RELCH: variants seen among roughly 807,000 people sequenced by gnomAD.
RELCH encodes the protein RAB11 binding and LisH domain, coiled-coil and HEAT repeat containing, also known as RAB11-binding protein RELCH.
RELCH carries 41 observed loss-of-function variants against 150.3 expected under a neutral mutation model. The observed-to-expected ratio is 0.27, with a 90% confidence interval of 0.21 to 0.35. The LOEUF is 0.35. RELCH is among the 10% of genes least tolerant of loss of function. The pLI is 1.00. For missense variants in RELCH, 1,092 were observed against 1,467.8 expected (o/e 0.74, Z 4.18); for synonymous variants, 478 against 531.8 (o/e 0.90, Z 1.39).
In RELCH at chr18:62,188,041, C is replaced by T. The variant is rs1431169714; in HGVS notation, c.526+10C>T. The T allele has an allele frequency of 6.5e-7, 1 of 1,543,232 alleles. No individual in the cohort carries two copies. The highest frequency in any genetic ancestry group is 8.7e-7 in the Non-Finnish European group (1 of 1,144,896). On this transcript the variant is annotated intron_variant, in intron 1 of 28. Coordinates refer to ENST00000644646, the MANE Select transcript of RELCH (RefSeq NM_001346231.2). ...GGCGGGGGACAGCTCAGTAAGTGGA[C>T]GCAGCCTGTCACACTCCGGCAGGGT... is the stretch of plus-strand genomic sequence containing the variant.
chr18:62,241,393 C>A (rs2042141887), intron 10 of RELCH, among the ~76,000 whole-genome samples: 1 of 151,944 alleles, frequency 6.6e-6, no homozygotes. Flanking sequence ...CAAGCCTGGG[C>A]AATATAACAA....
At chr18:62,248,058 C>A (rs2042513508) in intron 11 of RELCH, among the ~76,000 whole-genome samples, 1 of 152,062 alleles carries the variant, frequency 6.6e-6, no homozygotes, top group South Asian at 2.1e-4. Context: ...CTGCCATTAC[C>A]TTTGTGCATG....
chr18:62,269,717 C>T (rs987738324), intron 20 of RELCH, among the ~76,000 whole-genome samples: 1 of 151,964 alleles, frequency 6.6e-6, no homozygotes, highest in Non-Finnish European at 1.5e-5. Context: ...AAGTACTTAA[C>T]AATAAGAAAA....
chr18:62,229,944 G>A (rs1344112315), intron 8 of RELCH, among the ~76,000 whole-genome samples: 1 of 152,054 alleles, frequency 6.6e-6, no homozygotes, highest in Non-Finnish European at 1.5e-5. Context: ...TAGAGGTTGG[G>A]ACATGATGGT....
chr18:62,257,477 T>C (rs17069657), intron 13 of RELCH, among the ~76,000 whole-genome samples: 10,329 of 152,120 alleles, frequency 0.068, 423 homozygotes, highest in Middle Eastern at 0.14. Context: ...AGAGAGATTT[T>C]TGTAGTTCCT....
chr18:62,304,646 G>C (rs2145180080), intron 28 of RELCH, among the ~76,000 whole-genome samples: 1 of 152,360 alleles, frequency 6.6e-6, no homozygotes, highest in South Asian at 2.1e-4. Flanking sequence ...CAATAAACTA[G>C]ATTCCAAGTC....
At chr18:62,240,802 A>G (rs1410103695) in intron 10 of RELCH, among the ~76,000 whole-genome samples, 4 of 151,976 alleles carry the variant, frequency 2.6e-5, no homozygotes, top group Non-Finnish European at 1.5e-5. Flanking sequence ...ATATTTTCCT[A>G]TTGCTTAAAA....
chr18:62,204,156 A>G (rs773543571), intron 1 of RELCH, among the ~76,000 whole-genome samples: 13 of 152,134 alleles, frequency 8.5e-5, no homozygotes, highest in Non-Finnish European at 1.8e-4. Context: ...TGATTTATCT[A>G]GTCTTCTATG....
chr18:62,231,520 GT>G (rs2041578971), intron 9 of RELCH, among the ~76,000 whole-genome samples: 1 of 151,838 alleles, frequency 6.6e-6, no homozygotes, highest in African/African-American at 2.4e-5. Context: ...ATTTTTAATA[GT>G]ATGTTTAATG....
chr18:62,302,955 T>G (rs2045730869), intron 28 of RELCH, among the ~76,000 whole-genome samples: 1 of 152,216 alleles, frequency 6.6e-6, no homozygotes, highest in Admixed American at 6.5e-5. Flanking sequence ...AGGATACACA[T>G]TACAAGGTAG....
At chr18:62,255,299 A>G (rs963798595) in intron 12 of RELCH, 108 bp from the exon 13 acceptor site, 16 of 800,612 alleles carry the variant, frequency 2.0e-5, no homozygotes, top group Admixed American at 6.1e-5. Flanking sequence ...TGGAAAAGGA[A>G]GAAGCTTTAT....
At chr18:62,208,299 C>T (rs933557411) in intron 1 of RELCH, among the ~76,000 whole-genome samples, 3 of 150,216 alleles carry the variant, frequency 2.0e-5, no homozygotes, top group East Asian at 1.9e-4. Context: ...TTGATTTGCA[C>T]GTATTTCTTC....
intron 1 of RELCH, among the ~76,000 whole-genome samples, chr18:62,201,667 T>A (rs2039455092): frequency 6.6e-6 from 1 of 152,168 alleles, no homozygotes; most frequent in Non-Finnish European, 1.5e-5. Flanking sequence ...TAATAATGTA[T>A]TGTGGATGTT....
chr18:62,226,139 T>C (rs1247516328), intron 5 of RELCH, among the ~76,000 whole-genome samples: 1 of 152,034 alleles, frequency 6.6e-6, no homozygotes, highest in African/African-American at 2.4e-5. Flanking sequence ...AATATGCCAA[T>C]TTCTTAGAGG....
At chr18:62,246,214 T>C (rs2042404338) in intron 11 of RELCH, 1 of 152,238 alleles carries the variant, frequency 6.6e-6, no homozygotes, top group South Asian at 2.1e-4. Context: ...CACAAAACTT[T>C]CTATCTTTTT....
chr18:62,233,272 A>C (rs2041692338), intron 10 of RELCH, among the ~76,000 whole-genome samples: 1 of 151,864 alleles, frequency 6.6e-6, no homozygotes, highest in Non-Finnish European at 1.5e-5. Context: ...AAATTTTATA[A>C]AGAATAAATG....
intron 12 of RELCH, among the ~76,000 whole-genome samples, chr18:62,255,158 G>C (rs1467279319): frequency 6.6e-6 from 1 of 152,066 alleles, no homozygotes; most frequent in Non-Finnish European, 1.5e-5. Flanking sequence ...ATAATCTCTA[G>C]ATACCTTGCC....
intron 27 of RELCH, among the ~76,000 whole-genome samples, chr18:62,295,277 G>A (rs939934319): frequency 7.4e-5 from 11 of 149,562 alleles, no homozygotes; most frequent in Admixed American, 2.0e-4. Context: ...CTTTCAACAC[G>A]CTGGGACTAC....
intron 1 of RELCH, among the ~76,000 whole-genome samples, chr18:62,205,990 C>T (rs1400728028): frequency 2.6e-5 from 4 of 152,110 alleles, no homozygotes; most frequent in African/African-American, 9.7e-5. Flanking sequence ...TATCACTGCA[C>T]TCCAGCCTGG....
Sources: gnomAD v4.1 joint callset for allele counts (sites outside exome capture counted in the v4.1 genomes callset) on GRCh38, gnomAD v4.1.1 for gene constraint, MANE v1.5 for transcripts, NCBI Gene and HGNC (gene_info 2026-07-23, HGNC 2026-07-21) for gene names.